The following CSMD1 variants were observed in gnomAD, a reference collection of about 807,000 sequenced individuals.
CSMD1 encodes the protein CUB and sushi domain-containing protein 1.
In CSMD1, 213 loss-of-function variants were observed where a neutral mutation model predicts 417.5. That is an observed-to-expected ratio of 0.51 (90% CI 0.46 to 0.57). CSMD1 has a LOEUF of 0.57. Among genes scored for constraint, CSMD1 ranks in the 20% least tolerant of loss-of-function variants. The pLI, the probability that CSMD1 is intolerant of heterozygous loss-of-function variation, is 0.00. For synonymous variants in CSMD1, 2,862 were observed against 1,736.8 expected, an observed-to-expected ratio of 1.65 and a Z score of -16.11; for missense variants, 6,923 against 4,529.7, an observed-to-expected ratio of 1.53 and a Z score of -15.17.
At chr8:3,862,104 AT>A (rs982973590) in intron 5 of CSMD1, among the ~76,000 whole-genome samples, 1 of 151,912 alleles carries the variant, frequency 6.6e-6, no homozygotes, top group Non-Finnish European at 1.5e-5. Flanking sequence ...ATACACTATC[AT>A]TTTTTTCAAC....
At chr8:3,480,657 C>G (rs1319115644) in intron 11 of CSMD1, among the ~76,000 whole-genome samples, 1 of 151,932 alleles carries the variant, frequency 6.6e-6, no homozygotes, top group Non-Finnish European at 1.5e-5. Context: ...GTTTTAAAAA[C>G]TAAAGACAGA....
chr8:4,458,626 C>T (rs573232756), intron 2 of CSMD1, among the ~76,000 whole-genome samples: 1 of 152,232 alleles, frequency 6.6e-6, no homozygotes, highest in East Asian at 1.9e-4. Flanking sequence ...ACCTCAGCAG[C>T]AAAATCAATG....
At chr8:3,206,411 C>CTG (rs1365864569) in intron 30 of CSMD1, among the ~76,000 whole-genome samples, 1 of 89,508 alleles carries the variant, frequency 1.1e-5, no homozygotes, top group African/African-American at 4.6e-5. Context: ...GGGGTTATGT[C>CTG]TGTGTGTGTA....
At chr8:3,307,322 G>C (rs1379378441) in intron 25 of CSMD1, among the ~76,000 whole-genome samples, 1 of 151,954 alleles carries the variant, frequency 6.6e-6, no homozygotes, top group African/African-American at 2.4e-5. Context: ...TCCCAGCTGA[G>C]GCCCTCACAC....
At chr8:4,966,115 G>A (rs1032176576) in intron 1 of CSMD1, among the ~76,000 whole-genome samples, 29 of 150,404 alleles carry the variant, frequency 1.9e-4, no homozygotes, top group Non-Finnish European at 2.5e-4. Context: ...TGTAATCCCC[G>A]CACTTTGGGA....
chr8:4,093,764 C>A (rs1404689402), intron 3 of CSMD1, among the ~76,000 whole-genome samples: 1 of 152,046 alleles, frequency 6.6e-6, no homozygotes, highest in Non-Finnish European at 1.5e-5. Flanking sequence ...AGTTCAAGAC[C>A]AGCTTGGCCA....
chr8:4,039,312 G>C (rs537628232), intron 3 of CSMD1, among the ~76,000 whole-genome samples: 41 of 152,160 alleles, frequency 2.7e-4, no homozygotes, highest in Non-Finnish European at 5.3e-4. Flanking sequence ...GTAAACCAAC[G>C]ATATCAAATG....
chr8:4,841,030 C>G (rs1800809909), intron 1 of CSMD1, among the ~76,000 whole-genome samples: 2 of 152,172 alleles, frequency 1.3e-5, no homozygotes, highest in South Asian at 4.1e-4. Flanking sequence ...CTGGCTCCAC[C>G]CTGTCAGCAC....
rs372968094 is a variant in CSMD1 at position 3,868,746 on chromosome 8, C to T, written c.819-114704G>A. Among the ~76,000 whole-genome samples the T allele has an allele frequency of 5.9e-5, 9 of 152,284 alleles. No individual in the cohort carries two copies. In the South Asian group the frequency reaches 8.3e-4, roughly 14 times the overall value. On this transcript the variant is annotated intron_variant, in intron 5 of 69. Coordinates refer to ENST00000635120, the MANE Select transcript of CSMD1 (RefSeq NM_033225.6). The stretch of plus-strand genomic sequence containing the variant: ...CTCCTGACCCTCTGCTCTCTCAACC[C>T]ACATCCAACACATCAGCAATTTCTG...
intron 3 of CSMD1, among the ~76,000 whole-genome samples, chr8:4,078,950 G>A (rs886988612): frequency 1.7e-5 from 2 of 118,408 alleles, no homozygotes; most frequent in Non-Finnish European, 3.4e-5. Flanking sequence ...TATGTATGTT[G>A]AAAAGCTATC....
intron 54 of CSMD1, among the ~76,000 whole-genome samples, chr8:2,985,890 C>T (rs1805851225): frequency 7.5e-6 from 1 of 133,276 alleles, no homozygotes; most frequent in South Asian, 2.5e-4. Context: ...ACATTCTTTG[C>T]ATATTGTGAT....
Position 3,400,301 on chromosome 8 carries a change from C to A in CSMD1, c.2267-772G>T, listed in dbSNP as rs570695225. Among the ~76,000 whole-genome samples, 7 of 152,156 alleles carry A rather than the reference C, an allele frequency of 4.6e-5. No homozygotes were observed. The South Asian group carries it at 1.4e-3, about 32-fold the overall frequency. On this transcript the variant is annotated intron_variant, in intron 15 of 69. Coordinates refer to ENST00000635120, the MANE Select transcript of CSMD1 (RefSeq NM_033225.6). Reference sequence around the variant, plus strand: ...ATGTATTCTCTCTCAAAATTATTTGCCATTAGCAATCATCTTTGTGGATTT... The same window carrying A: ...ATGTATTCTCTCTCAAAATTATTTGACATTAGCAATCATCTTTGTGGATTT...
intron 2 of CSMD1, among the ~76,000 whole-genome samples, chr8:4,632,171 T>G (rs1015000687): frequency 6.6e-6 from 1 of 152,178 alleles, no homozygotes; most frequent in African/African-American, 2.4e-5. Flanking sequence ...CCGTGCACAG[T>G]GGCAGGGATG....
chr8:4,690,443 G>C (rs541443097), intron 1 of CSMD1, among the ~76,000 whole-genome samples: 1 of 152,114 alleles, frequency 6.6e-6, no homozygotes, highest in Non-Finnish European at 1.5e-5. Flanking sequence ...GAAAGTTGCA[G>C]AATTTAAGGA....
intron 1 of CSMD1, among the ~76,000 whole-genome samples, chr8:4,741,805 G>T (rs1486689659): frequency 2.0e-5 from 3 of 151,970 alleles, no homozygotes; most frequent in African/African-American, 2.4e-5. Context: ...ACAGTGCCCT[G>T]GTGATTCATG....
intron 1 of CSMD1, among the ~76,000 whole-genome samples, chr8:4,730,624 C>T (rs1809784814): frequency 1.3e-5 from 2 of 151,862 alleles, no homozygotes; most frequent in South Asian, 4.2e-4. Flanking sequence ...GCCTGTAGTC[C>T]CAGCTACTCG....
intron 7 of CSMD1, among the ~76,000 whole-genome samples, chr8:3,640,213 C>A (rs1044072841): frequency 6.6e-6 from 1 of 152,096 alleles, no homozygotes; most frequent in Non-Finnish European, 1.5e-5. Flanking sequence ...GGGGAGGCAT[C>A]AATGTGCTGA....
chr8:3,602,094 A>C (rs1047131527), intron 8 of CSMD1, among the ~76,000 whole-genome samples: 4 of 152,220 alleles, frequency 2.6e-5, no homozygotes, highest in African/African-American at 9.6e-5. Flanking sequence ...CAACCATATG[A>C]ATGTGTTAAC....
intron 3 of CSMD1, among the ~76,000 whole-genome samples, chr8:4,366,208 G>T (rs1289545538): frequency 6.6e-6 from 1 of 151,678 alleles, no homozygotes; most frequent in Non-Finnish European, 1.5e-5. Context: ...CTTCACTTAG[G>T]ATAATGGTCT....
Sources: gnomAD v4.1 joint callset for allele counts (sites outside exome capture counted in the v4.1 genomes callset) on GRCh38, gnomAD v4.1.1 for gene constraint, MANE v1.5 for transcripts, NCBI Gene and HGNC (gene_info 2026-07-23, HGNC 2026-07-21) for gene names.